Variants in PLCB1 observed in about 807,000 individuals in gnomAD.
PLCB1 encodes 1-phosphatidylinositol 4,5-bisphosphate phosphodiesterase beta-1.
PLCB1 carries 46 observed loss-of-function variants against 161.8 expected under a neutral mutation model. The observed-to-expected ratio is 0.28, with a 90% CI of 0.22 to 0.36. The LOEUF (loss-of-function observed/expected upper bound fraction) is 0.36. Among genes scored for constraint, PLCB1 ranks in the 10% least tolerant of loss-of-function variants. PLCB1 has a pLI of 1.00. For synonymous variants in PLCB1, 517 were observed against 503.7 expected (o/e 1.03, Z -0.35); for missense variants, 1,016 against 1,472.5 (o/e 0.69, Z 5.07).
intron 1 of PLCB1, among the ~76,000 whole-genome samples, chr20:8,140,071 G>A (rs542276903): frequency 2.5e-4 from 38 of 152,254 alleles, no homozygotes; most frequent in African/African-American, 9.1e-4. Context: ...GGTGACAGTG[G>A]CCACTCCCTG....
At chr20:8,276,626 T>C (rs1982559777) in intron 2 of PLCB1, among the ~76,000 whole-genome samples, 1 of 152,216 alleles carries the variant, frequency 6.6e-6, no homozygotes, top group South Asian at 2.1e-4. Flanking sequence ...ACAAATTCTA[T>C]TGGTTGTCCA....
At chr20:8,276,926 TTTC>T (rs752434070) in intron 2 of PLCB1, among the ~76,000 whole-genome samples, 10,176 of 104,328 alleles carry the variant, frequency 0.098, 589 homozygotes, top group Middle Eastern at 0.14. Flanking sequence ...GTCTTCTTCT[TTTC>T]TTCTTCTTCT....
intron 3 of PLCB1, among the ~76,000 whole-genome samples, chr20:8,422,686 T>C (rs1979588017): frequency 6.6e-6 from 1 of 152,186 alleles, no homozygotes; most frequent in African/African-American, 2.4e-5. Context: ...TGGAAATAAA[T>C]GCCCTTCACC....
intron 27 of PLCB1, 147 bp from the exon 28 acceptor site, chr20:8,788,302 T>G (rs1568599748): frequency 4.5e-6 from 3 of 672,960 alleles, no homozygotes; most frequent in Non-Finnish European, 7.6e-6. Context: ...TTGTCCTCAT[T>G]GCCAATGTTA....
intron 2 of PLCB1, among the ~76,000 whole-genome samples, chr20:8,180,047 AT>A (rs1256552688): frequency 6.6e-6 from 1 of 151,050 alleles, no homozygotes; most frequent in Non-Finnish European, 1.5e-5. Context: ...TTTAGTGGAG[AT>A]GGGGTTTCAC....
chr20:8,405,993 T>C (rs1978770801), intron 3 of PLCB1, among the ~76,000 whole-genome samples: 1 of 151,542 alleles, frequency 6.6e-6, no homozygotes, highest in Admixed American at 6.6e-5. Context: ...CAAACACTAC[T>C]AATTAGGGCT....
chr20:8,320,063 A>G (rs1054626568), intron 2 of PLCB1, among the ~76,000 whole-genome samples: 2 of 152,014 alleles, frequency 1.3e-5, no homozygotes, highest in African/African-American at 4.8e-5. Flanking sequence ...AGAAGATGAG[A>G]CATGTGAGGT....
At chr20:8,464,690 C>T (rs191044201) in intron 3 of PLCB1, among the ~76,000 whole-genome samples, 267 of 152,176 alleles carry the variant, frequency 1.8e-3, no homozygotes, top group African/African-American at 6.0e-3. Flanking sequence ...AAAAGTTCAC[C>T]GCCATAGCCA....
chr20:8,879,759 A>T (rs1396855742), intron 31 of PLCB1, among the ~76,000 whole-genome samples: 3 of 152,224 alleles, frequency 2.0e-5, no homozygotes, highest in Non-Finnish European at 2.9e-5. Flanking sequence ...GATGCTCCCA[A>T]GCTGCTGACA....
chr20:8,602,118 A>G (rs1308655586), intron 3 of PLCB1, among the ~76,000 whole-genome samples: 1 of 152,204 alleles, frequency 6.6e-6, no homozygotes, highest in Non-Finnish European at 1.5e-5. Flanking sequence ...TCATGAGACT[A>G]GTTTGAAAAG....
intron 2 of PLCB1, among the ~76,000 whole-genome samples, chr20:8,369,192 T>C (rs1986821184): frequency 6.6e-6 from 1 of 152,194 alleles, no homozygotes; most frequent in Non-Finnish European, 1.5e-5. Context: ...TGCCCAAACT[T>C]CTGAGTCTCA....
intron 3 of PLCB1, among the ~76,000 whole-genome samples, chr20:8,380,141 A>G (rs1448218493): frequency 6.6e-6 from 1 of 152,166 alleles, no homozygotes. Context: ...TAATTTTTGT[A>G]TAAGGTAGGA....
At chr20:8,657,068 G>T in intron 7 of PLCB1, 116 bp from the exon 8 acceptor site, 1 of 670,022 alleles carries the variant, frequency 1.5e-6, no homozygotes, top group South Asian at 1.7e-5. Flanking sequence ...GAGGGAGAAG[G>T]TGAGGGAAGG....
In PLCB1 at chr20:8,529,010, G is replaced by A. The variant is rs901446120; in HGVS notation, c.247-99284G>A. ...TCTAACGATTCCTCATTGTGGACGGGTAGGTGGTTTGTACTTCCAGTCCCT... is the reference window on the plus strand; with the variant it reads ...TCTAACGATTCCTCATTGTGGACGGATAGGTGGTTTGTACTTCCAGTCCCT... On this transcript the variant is annotated intron_variant, in intron 3 of 31. Transcript: ENST00000338037. 5.9e-5 allele frequency among the ~76,000 whole-genome samples: 9 copies of A among 152,074 alleles called. 1 individual carries two copies. In the South Asian group the frequency reaches 1.7e-3, roughly 28 times the overall value.
At chr20:8,731,081 T>G (rs1600282554) in intron 18 of PLCB1, among the ~76,000 whole-genome samples, 1 of 151,880 alleles carries the variant, frequency 6.6e-6, no homozygotes, top group African/African-American at 2.4e-5. Flanking sequence ...AGTGGGCATC[T>G]TTCTTTTTTA....
At chr20:8,365,216 C>T (rs1986668666) in intron 2 of PLCB1, among the ~76,000 whole-genome samples, 1 of 152,208 alleles carries the variant, frequency 6.6e-6, no homozygotes, top group African/African-American at 2.4e-5. Context: ...GCATCTGTAG[C>T]AACTTGTTTA....
chr20:8,464,176 C>G (rs1444773818), intron 3 of PLCB1, among the ~76,000 whole-genome samples: 2 of 152,114 alleles, frequency 1.3e-5, no homozygotes, highest in Non-Finnish European at 2.9e-5. Flanking sequence ...AATTGTTATT[C>G]CTCTGAAGTA....
chr20:8,684,593 A>C (rs952111785), intron 9 of PLCB1, among the ~76,000 whole-genome samples: 3 of 152,138 alleles, frequency 2.0e-5, no homozygotes, highest in African/African-American at 7.2e-5. Flanking sequence ...AAATTGAAAA[A>C]TTACCCCAAA....
intron 2 of PLCB1, among the ~76,000 whole-genome samples, chr20:8,259,568 A>G (rs2045395495): frequency 6.6e-6 from 1 of 152,046 alleles, no homozygotes; most frequent in Admixed American, 6.6e-5. Context: ...GTGATCCAAG[A>G]TCACACCACT....
Sources: gnomAD v4.1 joint callset for allele counts (sites outside exome capture counted in the v4.1 genomes callset) on GRCh38, gnomAD v4.1.1 for gene constraint, MANE v1.5 for transcripts, NCBI Gene and HGNC (gene_info 2026-07-23, HGNC 2026-07-21) for gene names.